TMEM131: variants seen among roughly 807,000 people sequenced by gnomAD.
TMEM131 encodes the protein transmembrane protein 131, also known as 2610524E03Rik.
A neutral mutation model predicts 211.6 loss-of-function variants in TMEM131; 66 were observed. The ratio of observed to expected loss-of-function variants is 0.31; its 90% CI spans 0.26 to 0.38. TMEM131 has a LOEUF of 0.38. Among genes scored for constraint, TMEM131 ranks in the 10% least tolerant of loss-of-function variants. The pLI is 1.00. For synonymous variants in TMEM131, 844 were observed against 841.3 expected (o/e 1.00, Z -0.06); for missense variants, 2,036 against 2,299.3 (o/e 0.89, Z 2.34).
At chr2:97,766,702 G>C (rs949950377) in intron 33 of TMEM131, 100 bp from the exon 34 acceptor site, 43 of 1,443,856 alleles carry the variant, frequency 3.0e-5, no homozygotes, top group Non-Finnish European at 4.0e-5. Context: ...ACTGCATGCA[G>C]GAAGCTAATG....
chr2:97,789,855 C>A (rs1314782733), intron 31 of TMEM131, among the ~76,000 whole-genome samples: 2 of 152,182 alleles, frequency 1.3e-5, no homozygotes, highest in Non-Finnish European at 2.9e-5. Flanking sequence ...CTCAGGCCAA[C>A]CATGAACAGG....
At chr2:97,812,789 A>G (rs749310345) in intron 15 of TMEM131, 40 bp from the exon 16 acceptor site, 1 of 1,121,218 alleles carries the variant, frequency 8.9e-7, no homozygotes, top group East Asian at 2.4e-5. Context: ...AAAAAGTCAC[A>G]TTGATCTAAC....
chr2:97,774,557 C>T (rs1679624063), intron 32 of TMEM131, among the ~76,000 whole-genome samples: 1 of 152,138 alleles, frequency 6.6e-6, no homozygotes, highest in Admixed American at 6.5e-5. Context: ...CTGAGCTGCA[C>T]AAATAGCACG....
At chr2:97,849,369 C>G (rs190047431) in intron 5 of TMEM131, among the ~76,000 whole-genome samples, 9 of 152,294 alleles carry the variant, frequency 5.9e-5, no homozygotes, top group Non-Finnish European at 1.3e-4. Context: ...CAATGAAATA[C>G]TATTCCATAA....
intron 4 of TMEM131, among the ~76,000 whole-genome samples, chr2:97,872,860 C>T (rs1228777418): frequency 6.6e-6 from 1 of 152,098 alleles, no homozygotes; most frequent in Admixed American, 6.5e-5. Context: ...TTTTTCCATA[C>T]CCCATTGGCA....
chr2:97,780,359 C>T (rs189762206), intron 31 of TMEM131, among the ~76,000 whole-genome samples: 3 of 152,282 alleles, frequency 2.0e-5, no homozygotes, highest in Non-Finnish European at 2.9e-5. Context: ...CACTGCCACT[C>T]CCTGAGCCCA....
At chr2:97,886,416 G>A (rs1353037494) in intron 4 of TMEM131, among the ~76,000 whole-genome samples, 1 of 152,092 alleles carries the variant, frequency 6.6e-6, no homozygotes, top group Non-Finnish European at 1.5e-5. Context: ...ACATTTCACA[G>A]GGAAAGACTT....
At chr2:97,913,843 C>T (rs1186488735) in intron 2 of TMEM131, among the ~76,000 whole-genome samples, 1 of 152,110 alleles carries the variant, frequency 6.6e-6, no homozygotes, top group Non-Finnish European at 1.5e-5. Flanking sequence ...GAAGCCACAC[C>T]AGGCGCCATT....
chr2:97,950,549 C>T (rs953010498), intron 1 of TMEM131, among the ~76,000 whole-genome samples: 4 of 152,170 alleles, frequency 2.6e-5, no homozygotes, highest in Non-Finnish European at 5.9e-5. Flanking sequence ...TGGCAAAGAG[C>T]ATCAGGACAG....
chr2:97,918,844 G>A (rs968384175), intron 2 of TMEM131, among the ~76,000 whole-genome samples: 2 of 59,874 alleles, frequency 3.3e-5, no homozygotes, highest in African/African-American at 2.9e-4. Context: ...AAGGTTTAGC[G>A]GCTTAAAACA....
At chr2:97,796,427 T>A (rs1006978021) in intron 27 of TMEM131, 23 bp from the exon 28 acceptor site, 2 of 1,421,172 alleles carry the variant, frequency 1.4e-6, no homozygotes. Context: ...AAATCAGGAA[T>A]AAGACTAAAT....
chr2:97,886,157 C>T (rs889292472), intron 4 of TMEM131, among the ~76,000 whole-genome samples: 5 of 152,068 alleles, frequency 3.3e-5, no homozygotes, highest in Non-Finnish European at 7.4e-5. Flanking sequence ...ATTTCTTATT[C>T]AAATCATGAA....
At chr2:97,980,400 G>A (rs900756002) in intron 1 of TMEM131, among the ~76,000 whole-genome samples, 4 of 152,160 alleles carry the variant, frequency 2.6e-5, no homozygotes, top group African/African-American at 9.7e-5. Context: ...CTGTTAAGAT[G>A]GCTAAAATTA....
intron 1 of TMEM131, among the ~76,000 whole-genome samples, chr2:97,982,731 AT>A (rs1679852915): frequency 6.6e-6 from 1 of 152,216 alleles, no homozygotes; most frequent in South Asian, 2.1e-4. Context: ...TGGGGAGATT[AT>A]CCCAGATTAG....
At chr2:97,963,274 T>C (rs905559705) in intron 1 of TMEM131, among the ~76,000 whole-genome samples, 2 of 152,232 alleles carry the variant, frequency 1.3e-5, no homozygotes, top group Admixed American at 6.5e-5. Context: ...CCTGGGCTCT[T>C]AATACCCTGA....
At chr2:97,818,463 C>CGGGGG (rs1184208506) in intron 12 of TMEM131, 150 bp downstream of exon 12, 8 of 283,886 alleles carry the variant, frequency 2.8e-5, no homozygotes, top group Non-Finnish European at 4.4e-5. Flanking sequence ...TGGTTTACAG[C>CGGGGG]GGGGGGGGGC....
chr2:97,915,322 T>C (rs902009062), intron 2 of TMEM131, among the ~76,000 whole-genome samples: 1 of 150,550 alleles, frequency 6.6e-6, no homozygotes, highest in African/African-American at 2.5e-5. Context: ...GAGAAAGGTT[T>C]TGTTTGTTTG....
chr2:97,983,990 A>G (rs1306278870), intron 1 of TMEM131, among the ~76,000 whole-genome samples: 1 of 152,204 alleles, frequency 6.6e-6, no homozygotes, highest in East Asian at 1.9e-4. Context: ...TACAGGCACA[A>G]TAGGAAACTA....
At chr2:97,899,100 G>A (rs1471711716) in intron 3 of TMEM131, among the ~76,000 whole-genome samples, 1 of 151,828 alleles carries the variant, frequency 6.6e-6, no homozygotes, top group East Asian at 1.9e-4. Flanking sequence ...ATTAGAATCT[G>A]GGATTGTTGT....
Sources: allele counts gnomAD v4.1 joint callset (sites outside exome capture counted in the v4.1 genomes callset), GRCh38; gene constraint gnomAD v4.1.1; transcripts MANE v1.5; gene names NCBI Gene and HGNC (gene_info 2026-07-23, HGNC 2026-07-21).